The following PODXL variants were observed in gnomAD, a reference collection of about 807,000 sequenced individuals.
PODXL encodes the protein podocalyxin like.
A neutral mutation model predicts 48.9 loss-of-function variants in PODXL; 20 were observed. That is an observed-to-expected ratio of 0.41 (90% CI 0.29 to 0.59). The LOEUF (loss-of-function observed/expected upper bound fraction) is 0.59, where lower values mean the gene tolerates loss of function less well. PODXL is among the 20% of genes least tolerant of loss of function. PODXL has a pLI of 0.31. For synonymous variants in PODXL, 295 were observed against 287.4 expected (o/e 1.03, Z -0.27); for missense variants, 606 against 675.1 (o/e 0.90, Z 1.13).
At chr7:131,522,534 G>A (rs1399877300) in intron 1 of PODXL, among the ~76,000 whole-genome samples, 2 of 152,190 alleles carry the variant, frequency 1.3e-5, no homozygotes, top group African/African-American at 2.4e-5. Context: ...AGCCAAGCAG[G>A]GACCCACAGA....
intron 1 of PODXL, among the ~76,000 whole-genome samples, chr7:131,527,800 C>T (rs559376817): frequency 6.6e-6 from 1 of 152,072 alleles, no homozygotes; most frequent in East Asian, 1.9e-4. Context: ...TGTATGTGTT[C>T]TCCTCCTACT....
intron 1 of PODXL, among the ~76,000 whole-genome samples, chr7:131,552,702 CCATGT>C (rs1798687340): frequency 6.6e-6 from 1 of 152,162 alleles, no homozygotes; most frequent in East Asian, 1.9e-4. Context: ...CCTAACCCCG[CCATGT>C]CCAGCTCGCT....
Position 131,556,472 on chromosome 7 carries a change from A to T in PODXL, c.-113T>A. 1 of 1,228,094 alleles carries T rather than the reference A, an allele frequency of 8.1e-7. No homozygotes were observed. Among genetic ancestry groups the T allele is most frequent in the Non-Finnish European group, 1.0e-6 (1 of 975,222 alleles). The allele number at this position is 1,228,094 out of a possible 1,614,324, so 76.1% of individuals were successfully genotyped here. On this transcript the variant is annotated 5_prime_UTR_variant, in exon 1 of 9. Transcript: ENST00000378555. ...CGGGGAGGCCTGTGGGTGGCTCCGG[A>T]GGCCAGGCTGTGGCCCGGGGCTCCC... is the stretch of plus-strand genomic sequence containing the variant.
Position 131,504,287 on chromosome 7 carries a change from G to T in PODXL, c.*24C>A. The T allele has an allele frequency of 6.2e-7, 1 of 1,606,330 alleles. No individual in the cohort carries two copies. Among genetic ancestry groups the T allele is most frequent in the Non-Finnish European group, 8.5e-7 (1 of 1,173,866 alleles). ...GGTTGGTCTGGAGCTCTGTGGTGCTGCTGGAGGCCACCGGCAGACCGGACT... is the reference window on the plus strand; with the variant it reads ...GGTTGGTCTGGAGCTCTGTGGTGCTTCTGGAGGCCACCGGCAGACCGGACT... On this transcript the variant is annotated 3_prime_UTR_variant, in exon 9 of 9. Transcript: ENST00000378555.
At chr7:131,508,573 A>T (rs767352536) in intron 5 of PODXL, among the ~76,000 whole-genome samples, 2 of 151,958 alleles carry the variant, frequency 1.3e-5, no homozygotes, top group African/African-American at 4.8e-5. Flanking sequence ...CTCATTTTCA[A>T]TTGAGACATC....
intron 1 of PODXL, among the ~76,000 whole-genome samples, chr7:131,553,521 G>A (rs536954840): frequency 2.0e-5 from 3 of 152,120 alleles, no homozygotes; most frequent in South Asian, 2.1e-4. Flanking sequence ...TGAGTTGGGC[G>A]TAAAGCCAAG....
At chr7:131,506,498 C>T (rs1797804946) in intron 6 of PODXL, 81 bp downstream of exon 6, 6 of 1,510,738 alleles carry the variant, frequency 4.0e-6, no homozygotes, top group Non-Finnish European at 5.5e-6. Flanking sequence ...CCACTGTGAC[C>T]CACCCTCCAA....
intron 1 of PODXL, among the ~76,000 whole-genome samples, chr7:131,541,819 T>A (rs1307792689): frequency 1.3e-5 from 2 of 152,170 alleles, no homozygotes; most frequent in African/African-American, 4.8e-5. Flanking sequence ...TGGCCCTCCC[T>A]GTGTTTGAGA....
chr7:131,548,557 A>C (rs897026372), intron 1 of PODXL, among the ~76,000 whole-genome samples: 2 of 152,250 alleles, frequency 1.3e-5, no homozygotes, highest in African/African-American at 4.8e-5. Context: ...CTGGAACTCC[A>C]GCAGCCACCT....
intron 1 of PODXL, among the ~76,000 whole-genome samples, chr7:131,549,720 G>A (rs778173064): frequency 1.3e-5 from 2 of 152,170 alleles, no homozygotes; most frequent in Admixed American, 6.5e-5. Context: ...TCTCTCAGCC[G>A]CTCCTTAGAA....
intron 1 of PODXL, among the ~76,000 whole-genome samples, chr7:131,515,877 C>G (rs1290639084): frequency 6.6e-6 from 1 of 152,182 alleles, no homozygotes; most frequent in Non-Finnish European, 1.5e-5. Context: ...TCATGATCCC[C>G]ACTGCTCTTT....
chr7:131,512,589 G>A (rs1327016433), intron 1 of PODXL, among the ~76,000 whole-genome samples: 2 of 151,982 alleles, frequency 1.3e-5, no homozygotes, highest in Non-Finnish European at 2.9e-5. Flanking sequence ...GGTAAGGAGG[G>A]GTCAGGTTCA....
Position 131,500,340 on chromosome 7 carries a change from A to G in PODXL, c.*3971T>C, listed in dbSNP as rs144251017. ...TATATTTTTGTAAGAAAATGCAATAATTATTAACTATAGTTTTTACAAACA... is the reference window on the plus strand; with the variant it reads ...TATATTTTTGTAAGAAAATGCAATAGTTATTAACTATAGTTTTTACAAACA... On this transcript the variant is annotated 3_prime_UTR_variant, in exon 9 of 9. Coordinates refer to ENST00000378555, the MANE Select transcript of PODXL (RefSeq NM_001018111.3). 7 of 152,812 alleles carry G rather than the reference A, an allele frequency of 4.6e-5. No homozygotes were observed. The highest frequency in any genetic ancestry group is 1.7e-4 in the African/African-American group (7 of 41,584). 9.5% of individuals were successfully genotyped at this position (152,812 alleles called of 1,614,324 possible). A position where few individuals can be genotyped will look rare whatever the true frequency, so the allele number is the denominator to read the frequency against.
At chr7:131,549,717 G>A (rs993879457) in intron 1 of PODXL, among the ~76,000 whole-genome samples, 1 of 152,204 alleles carries the variant, frequency 6.6e-6, no homozygotes, top group African/African-American at 2.4e-5. Flanking sequence ...GCCTCTCTCA[G>A]CCGCTCCTTA....
Position 131,506,194 on chromosome 7 carries a change from G to T in PODXL, c.1311+66C>A, listed in dbSNP as rs188061060. 7.2e-4 allele frequency: 1,144 copies of T among 1,578,814 alleles called. 7 individuals carry two copies. The African/African-American group carries it at 0.014, about 19-fold the overall frequency. ...GGGGTTCCTCCCCACAGAGAGAGGG[G>T]AGTAACCAGACCTCCCACAAGGGGC... On this transcript the variant is annotated intron_variant, in intron 7 of 8. Coordinates refer to ENST00000378555, the MANE Select transcript of PODXL (RefSeq NM_001018111.3).
chr7:131,550,071 G>C (rs1181720272), intron 1 of PODXL, among the ~76,000 whole-genome samples: 2 of 152,248 alleles, frequency 1.3e-5, no homozygotes, highest in African/African-American at 4.8e-5. Context: ...ATCTGCAGCT[G>C]AACGCTGCAT....
rs755302773 is a variant in PODXL, at chr7:131,511,289, G to A, written c.245C>T (p.Thr82Ile). 2 of 1,614,082 alleles carry A rather than the reference G, an allele frequency of 1.2e-6. No individual in the cohort carries two copies. Among genetic ancestry groups the A allele is most frequent in the Middle Eastern group, 1.6e-4 (1 of 6,062 alleles). The change falls in exon 2 of 9, where the codon ACC becomes ATC. Residue 82 changes from threonine to isoleucine, a missense_variant. By Grantham distance (89) the Thr-to-Ile change is moderately conservative. Transcript: ENST00000378555. ...NEILASVKAT[T>I]LGVSSDSPGT... is the part of the protein sequence containing the mutation. Reference sequence around the variant, plus strand: ...CGGTGAGTCACTGGATACACCAAGGGTGGTCGCCTTGACCGAGGCCAAGAT... The same window carrying A: ...CGGTGAGTCACTGGATACACCAAGGATGGTCGCCTTGACCGAGGCCAAGAT...
intron 1 of PODXL, among the ~76,000 whole-genome samples, chr7:131,533,058 G>C (rs1026275001): frequency 1.3e-5 from 2 of 152,204 alleles, no homozygotes; most frequent in African/African-American, 4.8e-5. Context: ...GTTCAGGATG[G>C]AGATTAATAA....
intron 1 of PODXL, among the ~76,000 whole-genome samples, chr7:131,517,372 C>G (rs1371243861): frequency 6.6e-6 from 1 of 152,186 alleles, no homozygotes; most frequent in Non-Finnish European, 1.5e-5. Context: ...ACGGGCAACT[C>G]ACTGACTTCC....
Sources: gnomAD v4.1 joint callset for allele counts (sites outside exome capture counted in the v4.1 genomes callset) on GRCh38, gnomAD v4.1.1 for gene constraint, MANE v1.5 for transcripts, NCBI Gene and HGNC (gene_info 2026-07-23, HGNC 2026-07-21) for gene names.